The following HEPH variants were observed in gnomAD, a reference collection of about 807,000 sequenced individuals.
The protein encoded by HEPH is hephaestin.
HEPH carries 69 observed loss-of-function variants against 80.8 expected under a neutral mutation model. The ratio of observed to expected loss-of-function variants is 0.85; its 90% CI spans 0.70 to 1.04. HEPH has a LOEUF of 1.04. Ranked by LOEUF, HEPH falls within the 50% of genes least tolerant of loss-of-function variation. HEPH has a pLI of 0.00. For missense variants in HEPH, 1,115 were observed against 891.3 expected (o/e 1.25, Z -3.20); for synonymous variants, 431 against 322.8 (o/e 1.34, Z -3.60).
chrX:66,212,858 G>A (rs1007061847), intron 15 of HEPH, among the ~76,000 whole-genome samples: 1 of 109,981 alleles, frequency 9.1e-6, no homozygotes, highest in Admixed American at 9.7e-5. Flanking sequence ...AAAAAGTTTT[G>A]TGAAGAATGA....
rs2088008132 is a variant in HEPH, at chrX:66,195,046, T to G, written c.1370-52T>G. The G allele has an allele frequency of 4.9e-6, 5 of 1,010,160 alleles. No individual in the cohort carries two copies. The Admixed American group carries it at 1.6e-4, about 32-fold the overall frequency. The allele number at this position is 1,010,160 out of a possible 1,213,427, so 83.2% of individuals were successfully genotyped here. On this transcript the variant is annotated intron_variant, in intron 8 of 20. Transcript: ENST00000343002. ...CCTCCCTCTTCTTCCATTTCCTTCC[T>G]CCCTGTTTATCCCTTTCATCATTCT...
At chrX:66,259,050 G>A (rs2091272792) in intron 18 of HEPH, 71 bp downstream of exon 18, 9 of 1,061,540 alleles carry the variant, frequency 8.5e-6, no homozygotes, top group Non-Finnish European at 9.9e-6. Flanking sequence ...TGAGAAAAAA[G>A]GTAACAGTGT....
rs765613846 is a variant in HEPH, at chrX:66,245,891, G to A, written c.2564-9144G>A. Among the ~76,000 whole-genome samples the A allele has an allele frequency of 2.8e-4, 32 of 112,452 alleles. No homozygotes were observed. The South Asian group carries it at 0.012, about 41-fold the overall frequency. On this transcript the variant is annotated intron_variant, in intron 15 of 20. Transcript: ENST00000343002. ...GGTTTTGATTCTAGTCTACTCCTTG[G>A]TGTTTAAATAACTCCCTCTGATTAC...
intron 6 of HEPH, among the ~76,000 whole-genome samples, chrX:66,190,495 G>T (rs1377398168): frequency 1.8e-5 from 2 of 111,396 alleles, no homozygotes; most frequent in Admixed American, 9.5e-5. Flanking sequence ...GCAATGGAAA[G>T]AATAGTAGAT....
rs139796849 is a variant in HEPH, at chrX:66,255,684, G to A, written c.2671-421G>A. Among the ~76,000 whole-genome samples the A allele has an allele frequency of 2.0e-3, 225 of 111,518 alleles. 2 individuals are homozygous for A. The highest frequency in any genetic ancestry group is 6.8e-3 in the African/African-American group (209 of 30,686). ...ACATTTCCCACCTTCAAAGAGTATG[G>A]TCTAGTTGAGCAAGAGGGAACCTGG... On this transcript the variant is annotated intron_variant, in intron 16 of 20. Transcript: ENST00000343002.
At chrX:66,232,033 A>G (rs1255664367) in intron 15 of HEPH, among the ~76,000 whole-genome samples, 1 of 109,068 alleles carries the variant, frequency 9.2e-6, no homozygotes, top group Non-Finnish European at 1.9e-5. Context: ...CTATTGAGAT[A>G]ATCATGTGGT....
chrX:66,197,697 G>A lies in HEPH; in HGVS notation c.1516G>A (p.Gly506Ser), dbSNP rs369471174. Residue 506 changes from glycine to serine, a missense_variant, in exon 10 of 21, where the codon GGC becomes AGC. Transcript: ENST00000343002. The part of the protein sequence containing the change: ...TVYNDGSSYP[G>S]LVAKPFEKVT... ...TTTCACTACAGGCTCATCTTACCCTGGCTTGGTTGCCAAGCCCTTTGAGAA... is the reference window on the plus strand; with the variant it reads ...TTTCACTACAGGCTCATCTTACCCTAGCTTGGTTGCCAAGCCCTTTGAGAA... 9 of 1,208,834 alleles carry A rather than the reference G, an allele frequency of 7.4e-6. No individual in the cohort carries two copies. The highest frequency in any genetic ancestry group is 8.9e-6 in the Non-Finnish European group (8 of 894,324).
intron 19 of HEPH, among the ~76,000 whole-genome samples, chrX:66,260,817 A>G (rs942101224): frequency 9.2e-6 from 1 of 108,121 alleles, no homozygotes; most frequent in Admixed American, 9.9e-5. Flanking sequence ...CCCAGGCTGG[A>G]GTGCTGTGGT....
At chrX:66,214,005 T>C (rs2089276058) in intron 15 of HEPH, among the ~76,000 whole-genome samples, 1 of 112,365 alleles carries the variant, frequency 8.9e-6, no homozygotes, top group African/African-American at 3.2e-5. Flanking sequence ...TTCTTTTATC[T>C]CAGCACTCCC....
intron 15 of HEPH, among the ~76,000 whole-genome samples, chrX:66,228,944 G>A (rs900801943): frequency 8.9e-6 from 1 of 112,400 alleles, no homozygotes; most frequent in Non-Finnish European, 1.9e-5. Flanking sequence ...ATGTAAACTA[G>A]TACAGCCTCT....
chrX:66,260,506 C>T (rs746914417), intron 19 of HEPH, among the ~76,000 whole-genome samples: 1 of 111,609 alleles, frequency 9.0e-6, no homozygotes, highest in Non-Finnish European at 1.9e-5. Flanking sequence ...CTCCAAATTA[C>T]TTCAAAACCT....
chrX:66,247,947 G>A (rs1439376081), intron 15 of HEPH, among the ~76,000 whole-genome samples: 1 of 111,416 alleles, frequency 9.0e-6, no homozygotes, highest in Non-Finnish European at 1.9e-5. Context: ...TACTGTATTG[G>A]ACAGCACTGA....
chrX:66,255,092 A>G lies in HEPH; in HGVS notation c.2621A>G (p.Asp874Gly). 2.5e-6 allele frequency: 3 copies of G among 1,207,427 alleles called. No individual in the cohort carries two copies. Among genetic ancestry groups the G allele is most frequent in the Non-Finnish European group, 2.2e-6 (2 of 893,076 alleles). The change falls in exon 16 of 21, where the codon GAC (aspartate) becomes GGC (glycine). Residue 874 changes from aspartate to glycine, a missense_variant. Transcript: ENST00000343002. Reference sequence around the variant, plus strand: ...GAGAGGTCTGGCCCTGGGCCCAATGACTCTGCTTGTGTTTCCTGGATCTAT... The same window carrying G: ...GAGAGGTCTGGCCCTGGGCCCAATGGCTCTGCTTGTGTTTCCTGGATCTAT... ...IPERSGPGPN[D>G]SACVSWIYYS...
At chrX:66,180,087 T>C (rs2087025829) in intron 4 of HEPH, among the ~76,000 whole-genome samples, 1 of 111,664 alleles carries the variant, frequency 9.0e-6, no homozygotes, top group South Asian at 3.7e-4. Flanking sequence ...AATGTTAGTA[T>C]TGAGATATGA....
In HEPH at chrX:66,266,943, A is replaced by C. The variant is rs1371109884; in HGVS notation, c.*271A>C. 2 of 290,674 alleles carry C rather than the reference A, an allele frequency of 6.9e-6. No homozygotes were observed. Among genetic ancestry groups the C allele is most frequent in the Non-Finnish European group, 1.2e-5 (2 of 167,241 alleles). The allele number at this position is 290,674 out of a possible 1,213,427, so 24.0% of individuals were successfully genotyped here. ...TCGCAAATTTCAACAGCTACATTAT[A>C]TTTCCTTCTGACACTTGGAAGGTAT... On this transcript the variant is annotated 3_prime_UTR_variant, in exon 21 of 21. Transcript: ENST00000343002.
chrX:66,224,927 CTCTT>C (rs1411577880), intron 15 of HEPH, among the ~76,000 whole-genome samples: 2 of 109,614 alleles, frequency 1.8e-5, no homozygotes, highest in Non-Finnish European at 3.8e-5. Context: ...CTCTGCCTCT[CTCTT>C]TCTCTCTCTC....
chrX:66,197,825 C>T lies in HEPH; in HGVS notation c.1644C>T (p.Asp548=), dbSNP rs751247983. ...MYFSAADPIR[D]TNSGLVGPLL... ...TCTCTGCTGCAGATCCCATAAGAGA[C>T]ACAAATTCTGGCCTGGTGGGCCCGC... is the stretch of plus-strand genomic sequence containing the variant. The change falls in exon 10 of 21, where the codon GAC becomes GAT. Residue 548 remains aspartate, a synonymous_variant. Coordinates refer to ENST00000343002, the MANE Select transcript of HEPH (RefSeq NM_001367233.3). 2.5e-6 allele frequency: 3 copies of T among 1,209,276 alleles called. No homozygotes were observed. The highest frequency in any genetic ancestry group is 3.4e-6 in the Non-Finnish European group (3 of 894,902).
chrX:66,195,705 G>A (rs755551612), intron 9 of HEPH, among the ~76,000 whole-genome samples: 12 of 110,753 alleles, frequency 1.1e-4, no homozygotes, highest in African/African-American at 3.9e-4. Context: ...TTATCTCAAG[G>A]ATTTGTCGAA....
chrX:66,211,735 C>T (rs1046931184), intron 15 of HEPH, among the ~76,000 whole-genome samples: 3 of 111,910 alleles, frequency 2.7e-5, no homozygotes, highest in African/African-American at 9.7e-5. Context: ...TTTATCCATT[C>T]ATCCCTTGAT....
Sources: gnomAD v4.1 joint callset for allele counts (sites outside exome capture counted in the v4.1 genomes callset) on GRCh38, gnomAD v4.1.1 for gene constraint, MANE v1.5 for transcripts, NCBI Gene and HGNC (gene_info 2026-07-23, HGNC 2026-07-21) for gene names.